Variants in PCMT1 observed in about 807,000 individuals in gnomAD.
PCMT1 encodes protein-L-isoaspartate (D-aspartate) O-methyltransferase.
Under a neutral mutation model 29.2 loss-of-function variants are expected in PCMT1, and 9 were observed. The observed-to-expected ratio is 0.31, with a 90% confidence interval of 0.19 to 0.54. The LOEUF (loss-of-function observed/expected upper bound fraction) is 0.54. Among genes scored for constraint, PCMT1 ranks in the 20% least tolerant of loss-of-function variants. The probability of loss-of-function intolerance (pLI) is 0.95; values close to 1 mark genes in which losing one functional copy is unlikely to be tolerated. For synonymous variants in PCMT1, 98 were observed against 97.5 expected (o/e 1.00, Z -0.03); for missense variants, 184 against 282.2 (o/e 0.65, Z 2.49).
intron 3 of PCMT1, among the ~76,000 whole-genome samples, chr6:149,778,662 TGAG>T (rs1423606656): frequency 2.0e-5 from 3 of 151,984 alleles, no homozygotes; most frequent in African/African-American, 4.8e-5. Context: ...CTTAGCCTCC[TGAG>T]TAGCTGGGAC....
In PCMT1 at chr6:149,802,274, G is replaced by A; in HGVS notation, c.579G>A (p.Glu193=). ...VGPAGGNQML[E]QYDKLQDGSI... ...CTGCAGGCGGAAACCAAATGTTGGAGCAGTATGACAAGCTACAAGATGGCA... is the reference window on the plus strand; with the variant it reads ...CTGCAGGCGGAAACCAAATGTTGGAACAGTATGACAAGCTACAAGATGGCA... The change falls in exon 7 of 8, where the codon GAG becomes GAA. Residue 193 remains glutamate (E), a synonymous_variant. Coordinates refer to ENST00000464889, the MANE Select transcript of PCMT1 (RefSeq NM_001360452.2). The A allele has an allele frequency of 1.2e-6, 2 of 1,613,638 alleles. No individual in the cohort carries two copies. Among genetic ancestry groups the A allele is most frequent in the South Asian group, 1.1e-5 (1 of 91,036 alleles).
intron 1 of PCMT1, among the ~76,000 whole-genome samples, chr6:149,756,387 C>T (rs562371814): frequency 5.5e-5 from 8 of 146,516 alleles, no homozygotes; most frequent in Middle Eastern, 3.6e-3. Context: ...CTCTTTCTGT[C>T]GCCCAAGCTG....
chr6:149,789,721 TAA>T (rs10544441), intron 3 of PCMT1, among the ~76,000 whole-genome samples: 80,781 of 151,694 alleles, frequency 0.53, 24,674 homozygotes, highest in East Asian at 0.83. Flanking sequence ...CTGAATTAAT[TAA>T]AAGTTAAAAA....
chr6:149,804,618 A>G (rs747060312), intron 7 of PCMT1, among the ~76,000 whole-genome samples: 11 of 151,990 alleles, frequency 7.2e-5, no homozygotes, highest in Non-Finnish European at 1.3e-4. Context: ...GGTTCAAGCA[A>G]TTCTCCTGCC....
At chr6:149,793,162 CAAAA>C (rs59087711) in intron 4 of PCMT1, among the ~76,000 whole-genome samples, 6 of 129,920 alleles carry the variant, frequency 4.6e-5, no homozygotes, top group East Asian at 2.1e-4. Context: ...GACTCTCTCT[CAAAA>C]AAAAAAAAAA....
chr6:149,782,429 G>T (rs910720965), intron 3 of PCMT1, among the ~76,000 whole-genome samples: 2 of 152,158 alleles, frequency 1.3e-5, no homozygotes, highest in African/African-American at 4.8e-5. Context: ...AAAGAAAAAT[G>T]TGATGCGTGC....
chr6:149,755,872 T>C (rs1408920917), intron 1 of PCMT1, among the ~76,000 whole-genome samples: 1 of 152,152 alleles, frequency 6.6e-6, no homozygotes, highest in Non-Finnish European at 1.5e-5. Flanking sequence ...AGTAGGTTTA[T>C]AGTTGTAGAG....
chr6:149,750,239 A>G, intron 1 of PCMT1: 1 of 477,444 alleles, frequency 2.1e-6, no homozygotes, highest in Non-Finnish European at 3.7e-6. Context: ...GAGGGAGTGC[A>G]GTACAGGTGA....
chr6:149,793,135 C>G (rs958888010), intron 4 of PCMT1, among the ~76,000 whole-genome samples: 31 of 147,462 alleles, frequency 2.1e-4, no homozygotes, highest in African/African-American at 7.6e-4. Flanking sequence ...TGTACTCCAG[C>G]CTGGGTGACA....
intron 3 of PCMT1, among the ~76,000 whole-genome samples, chr6:149,777,713 A>T (rs1220284462): frequency 6.6e-6 from 1 of 152,168 alleles, no homozygotes; most frequent in Non-Finnish European, 1.5e-5. Context: ...TTTAGGATAT[A>T]TGGGTGGAAT....
chr6:149,784,154 A>G (rs1427983249), intron 3 of PCMT1, among the ~76,000 whole-genome samples: 1 of 152,226 alleles, frequency 6.6e-6, no homozygotes, highest in East Asian at 1.9e-4. Flanking sequence ...TGTTACCCCT[A>G]AAAGGGTTCT....
intron 7 of PCMT1, 174 bp downstream of exon 7, chr6:149,802,590 C>G: frequency 2.1e-6 from 2 of 952,930 alleles, no homozygotes; most frequent in South Asian, 5.2e-5. Context: ...GAGGGTGAGA[C>G]TTGGTTGGCA....
intron 3 of PCMT1, among the ~76,000 whole-genome samples, chr6:149,789,298 G>C (rs1236588934): frequency 6.6e-6 from 1 of 151,922 alleles, no homozygotes; most frequent in Non-Finnish European, 1.5e-5. Context: ...GACTGGTCTT[G>C]AACTCCTGAC....
intron 1 of PCMT1, among the ~76,000 whole-genome samples, chr6:149,755,003 T>G (rs940170205): frequency 1.3e-5 from 2 of 152,232 alleles, no homozygotes; most frequent in African/African-American, 4.8e-5. Context: ...ATTATAGGTA[T>G]GTTACGTATA....
intron 6 of PCMT1, chr6:149,797,712 G>A (rs1297833029): frequency 6.6e-6 from 1 of 152,198 alleles, no homozygotes; most frequent in African/African-American, 2.4e-5. Context: ...GATGACCGGG[G>A]ATGAAGGTGA....
chr6:149,753,900 G>A (rs948773765), intron 1 of PCMT1, among the ~76,000 whole-genome samples: 21 of 152,146 alleles, frequency 1.4e-4, no homozygotes, highest in African/African-American at 4.8e-4. Flanking sequence ...CACCTGGAGA[G>A]CTTTTCAAAA....
intron 2 of PCMT1, among the ~76,000 whole-genome samples, chr6:149,771,752 A>T (rs537170250): frequency 1.3e-5 from 2 of 152,126 alleles, no homozygotes; most frequent in African/African-American, 4.8e-5. Flanking sequence ...TCCTGAGCTC[A>T]GGCAAACCAC....
chr6:149,767,436 T>A (rs944879542), intron 1 of PCMT1, among the ~76,000 whole-genome samples: 111 of 152,044 alleles, frequency 7.3e-4, no homozygotes, highest in African/African-American at 2.7e-3. Flanking sequence ...TTACTTTGCT[T>A]TGAATCTTGC....
intron 1 of PCMT1, among the ~76,000 whole-genome samples, chr6:149,760,709 G>A (rs1057144581): frequency 6.6e-6 from 1 of 152,006 alleles, no homozygotes; most frequent in African/African-American, 2.4e-5. Flanking sequence ...AAAAATAGCT[G>A]GGCATGGTGG....
Sources: allele counts gnomAD v4.1 joint callset (sites outside exome capture counted in the v4.1 genomes callset), GRCh38; gene constraint gnomAD v4.1.1; transcripts MANE v1.5; gene names NCBI Gene and HGNC (gene_info 2026-07-23, HGNC 2026-07-21).